RABGEF1: variants seen among roughly 807,000 people sequenced by gnomAD.
RABGEF1 encodes the protein rab5 GDP/GTP exchange factor.
In RABGEF1, 26 loss-of-function variants were observed where a neutral mutation model predicts 57.3. That is an observed-to-expected ratio of 0.45 (90% CI 0.33 to 0.63). RABGEF1 has a LOEUF of 0.63. Among genes scored for constraint, RABGEF1 ranks in the 20% least tolerant of loss-of-function variants. The pLI, the probability that RABGEF1 is intolerant of heterozygous loss-of-function variation, is 0.02. For missense variants in RABGEF1, 464 were observed against 607.6 expected, an observed-to-expected ratio of 0.76 and a Z score of 2.48; for synonymous variants, 185 against 210.7, an observed-to-expected ratio of 0.88 and a Z score of 1.06.
At chr7:66,694,765 C>T (rs1792074556) in intron 1 of RABGEF1, among the ~76,000 whole-genome samples, 3 of 152,000 alleles carry the variant, frequency 2.0e-5, no homozygotes, top group Admixed American at 1.3e-4. Context: ...AGGGGGAGGG[C>T]GGAGCCTCCG....
At chr7:66,785,058 T>G (rs568456121) in intron 4 of RABGEF1, among the ~76,000 whole-genome samples, 1 of 152,204 alleles carries the variant, frequency 6.6e-6, no homozygotes, top group Non-Finnish European at 1.5e-5. Context: ...ATGTATGCTG[T>G]ATAATATGTT....
rs138983223 is a variant in RABGEF1 at position 66,785,936 on chromosome 7, A to G, written c.513+2095A>G. Among the ~76,000 whole-genome samples, 315 of 152,212 alleles carry G rather than the reference A, an allele frequency of 2.1e-3. 1 individual carries two copies. Among genetic ancestry groups the G allele is most frequent in the Non-Finnish European group, 2.7e-3 (187 of 68,006 alleles). On this transcript the variant is annotated intron_variant, in intron 4 of 8. Coordinates refer to ENST00000284957, the MANE Select transcript of RABGEF1 (RefSeq NM_014504.3). ...AAAACTGCGCAAAACCTTTAAATTA[A>G]TGTTATTACCACCAACTAAACTTTC...
chr7:66,747,328 CAA>C (rs2129056507), intron 1 of RABGEF1, among the ~76,000 whole-genome samples: 1 of 152,250 alleles, frequency 6.6e-6, no homozygotes, highest in African/African-American at 2.4e-5. Context: ...AGGAATGTAA[CAA>C]GAGTTTTGAG....
chr7:66,665,665 A>G, the RABGEF1 span, among the ~76,000 whole-genome samples: 1 of 152,126 alleles, frequency 6.6e-6, no homozygotes, highest in Non-Finnish European at 1.5e-5. Flanking sequence ...ACATCGTAGG[A>G]CTTCGGCAAA....
intron 1 of RABGEF1, among the ~76,000 whole-genome samples, chr7:66,682,707 G>T (rs1273102738): frequency 0.091 from 2 of 22 alleles, no homozygotes; most frequent in African/African-American, 0.25. Flanking sequence ...CCCCGGCCGC[G>T]GCAGGGCGCC....
chr7:66,783,343 A>G (rs1239061207), intron 3 of RABGEF1, among the ~76,000 whole-genome samples: 1 of 152,236 alleles, frequency 6.6e-6, no homozygotes, highest in Non-Finnish European at 1.5e-5. Context: ...GCAGTCTTTG[A>G]GAAGCCTAGT....
intron 2 of RABGEF1, among the ~76,000 whole-genome samples, chr7:66,720,611 T>C (rs1795938376): frequency 6.6e-6 from 1 of 152,016 alleles, no homozygotes; most frequent in South Asian, 2.1e-4. Context: ...GGATAAAGTA[T>C]GAATTGTTTC....
At chr7:66,795,452 A>G (rs976204600) in intron 4 of RABGEF1, 59 bp from the exon 5 acceptor site, 27 of 1,404,608 alleles carry the variant, frequency 1.9e-5, no homozygotes, top group Non-Finnish European at 2.2e-5. Context: ...CTTAGAATGT[A>G]GAGCTGTGCT....
intron 1 of RABGEF1, among the ~76,000 whole-genome samples, chr7:66,761,610 A>G (rs1266066409): frequency 6.6e-6 from 1 of 152,144 alleles, no homozygotes; most frequent in Non-Finnish European, 1.5e-5. Context: ...GCTTCCTGAC[A>G]CCAGCATTCG....
At chr7:66,792,492 G>A (rs1461585315) in intron 4 of RABGEF1, among the ~76,000 whole-genome samples, 1 of 152,212 alleles carries the variant, frequency 6.6e-6, no homozygotes, top group Non-Finnish European at 1.5e-5. Context: ...ATAATGCAGA[G>A]AAGACCAGGG....
At chr7:66,698,880 A>G (rs900721689) in intron 1 of RABGEF1, among the ~76,000 whole-genome samples, 11 of 152,146 alleles carry the variant, frequency 7.2e-5, no homozygotes, top group Non-Finnish European at 1.6e-4. Context: ...AAATGGGGAC[A>G]GGGACACCTA....
upstream of RABGEF1, among the ~76,000 whole-genome samples, chr7:66,678,630 C>G (rs1253505270): frequency 2.0e-5 from 3 of 149,162 alleles, no homozygotes; most frequent in Non-Finnish European, 4.4e-5. Context: ...GATGAAGAGA[C>G]AAGACAATGT....
intron 1 of RABGEF1, among the ~76,000 whole-genome samples, chr7:66,701,293 G>A (rs888766329): frequency 1.4e-4 from 22 of 152,210 alleles, no homozygotes; most frequent in African/African-American, 4.8e-4. Flanking sequence ...GAGCCCAGGC[G>A]CTTGAGACTA....
chr7:66,748,877 A>G, intron 1 of RABGEF1: 1 of 242,810 alleles, frequency 4.1e-6, no homozygotes, highest in Non-Finnish European at 8.9e-6. Context: ...TCAGCACCTT[A>G]TTGAAACCCT....
upstream of RABGEF1, among the ~76,000 whole-genome samples, chr7:66,736,510 G>T (rs1282336254): frequency 2.6e-5 from 4 of 152,182 alleles, no homozygotes; most frequent in African/African-American, 9.6e-5. Flanking sequence ...AATTCAGGAA[G>T]TGAAAGGACA....
intron 2 of RABGEF1, among the ~76,000 whole-genome samples, chr7:66,721,734 A>G (rs2659899): frequency 0.5 from 75,998 of 151,986 alleles, 19,981 homozygotes; most frequent in East Asian, 0.74. Context: ...TTGGGAGGCC[A>G]AGGCGGGCAG....
intron 2 of RABGEF1, among the ~76,000 whole-genome samples, chr7:66,724,098 G>A (rs1480938107): frequency 6.6e-6 from 1 of 150,456 alleles, no homozygotes; most frequent in Admixed American, 6.6e-5. Context: ...TTTTGTCTTC[G>A]TTTGAGAGAG....
At chr7:66,662,914 GTGTT>G in the RABGEF1 span, among the ~76,000 whole-genome samples, 1 of 152,118 alleles carries the variant, frequency 6.6e-6, no homozygotes, top group Admixed American at 6.5e-5. Flanking sequence ...TGCAAGGTGT[GTGTT>G]TGCAGGCATG....
chr7:66,737,842 A>G (rs538336677), upstream of RABGEF1, among the ~76,000 whole-genome samples: 15 of 152,052 alleles, frequency 9.9e-5, no homozygotes, highest in Admixed American at 2.0e-4. Context: ...TGCTACTGCT[A>G]AACAGGTTAG....
Sources: gnomAD v4.1 joint callset for allele counts (sites outside exome capture counted in the v4.1 genomes callset) on GRCh38, gnomAD v4.1.1 for gene constraint, MANE v1.5 for transcripts, NCBI Gene and HGNC (gene_info 2026-07-23, HGNC 2026-07-21) for gene names.